The following EED variants were observed in gnomAD, a reference collection of about 807,000 sequenced individuals.
The protein encoded by EED is embryonic ectoderm development.
Under a neutral mutation model 61.0 loss-of-function variants are expected in EED, and 9 were observed. The observed-to-expected ratio is 0.15, with a 90% CI of 0.09 to 0.26. The LOEUF is 0.26. Ranked by LOEUF, EED falls within the 10% of genes least tolerant of loss-of-function variation. The pLI, the probability that EED is intolerant of heterozygous loss-of-function variation, is 1.00. For missense variants in EED, 315 were observed against 542.3 expected (o/e 0.58, Z 4.16); for synonymous variants, 187 against 174.4 (o/e 1.07, Z -0.57).
At chr11:86,274,415 A>G (rs1308023839) in intron 9 of EED, among the ~76,000 whole-genome samples, 4 of 152,122 alleles carry the variant, frequency 2.6e-5, no homozygotes, top group Non-Finnish European at 5.9e-5. Flanking sequence ...CTTGGTATGA[A>G]GAGTGATTTT....
At position 86,268,594 on chromosome 11, in the gene EED, CGT is replaced by C. The variant is rs71040225; in HGVS notation, c.966+64_966+65del. 0.25 allele frequency: 202,700 copies of C among 811,112 alleles called. 7,074 individuals carry two copies. The highest frequency in any genetic ancestry group is 0.27 in the Non-Finnish European group (139,697 of 513,614). 50.2% of individuals were successfully genotyped at this position (811,112 alleles called of 1,614,324 possible). ...AACTGCAGTTAAGCTGTACTTCCAT[CGT>C]GTGTGTGTGTGTGTGTGTGTGTGTG... On this transcript the variant is annotated intron_variant, in intron 9 of 11. Transcript: ENST00000263360.
chr11:86,281,791 C>T (rs116824028), downstream of EED, among the ~76,000 whole-genome samples: 292 of 152,280 alleles, frequency 1.9e-3, 1 homozygote, highest in African/African-American at 6.8e-3. Context: ...CAAGTAGCTA[C>T]GACTGTAGGC....
chr11:86,251,308 A>G (rs1011488536), intron 2 of EED, among the ~76,000 whole-genome samples: 1 of 152,166 alleles, frequency 6.6e-6, no homozygotes. Context: ...AAAGTCAATT[A>G]TAGTTTCATG....
chr11:86,278,600 G>C lies in EED; in HGVS notation c.*75G>C. On this transcript the variant is annotated 3_prime_UTR_variant, in exon 12 of 12. Transcript: ENST00000263360. ...TAGAATTAATGTATCTTGCTAGTAAGGGCACGTAGAGCATTTAGAGTTGTC... is the reference window on the plus strand; with the variant it reads ...TAGAATTAATGTATCTTGCTAGTAACGGCACGTAGAGCATTTAGAGTTGTC... The C allele has an allele frequency of 6.4e-7, 1 of 1,555,810 alleles. No individual in the cohort carries two copies. The highest frequency in any genetic ancestry group is 1.8e-5 in the Admixed American group (1 of 56,682).
chr11:86,245,871 G>A (rs1386712296), intron 1 of EED, among the ~76,000 whole-genome samples: 3 of 152,202 alleles, frequency 2.0e-5, no homozygotes, highest in Non-Finnish European at 4.4e-5. Context: ...GAGACCGGGT[G>A]CGCCTGAAGG....
intron 1 of EED, among the ~76,000 whole-genome samples, chr11:86,249,082 A>T (rs959463644): frequency 6.6e-6 from 1 of 152,198 alleles, no homozygotes; most frequent in Admixed American, 6.5e-5. Flanking sequence ...TAGATAATGC[A>T]TAGTTTTCCA....
intron 9 of EED, among the ~76,000 whole-genome samples, chr11:86,273,809 C>T (rs904650396): frequency 3.3e-5 from 5 of 152,204 alleles, no homozygotes; most frequent in Non-Finnish European, 7.4e-5. Context: ...TTCTTTCTGT[C>T]TTACTGCTTT....
chr11:86,254,115 A>C (rs912920616), intron 3 of EED, among the ~76,000 whole-genome samples: 10 of 150,936 alleles, frequency 6.6e-5, no homozygotes, highest in Admixed American at 5.3e-4. Flanking sequence ...GTATTACAAA[A>C]TTGTGTATGG....
chr11:86,275,126 C>T (rs143413992), intron 9 of EED, among the ~76,000 whole-genome samples: 6 of 152,216 alleles, frequency 3.9e-5, no homozygotes, highest in Non-Finnish European at 5.9e-5. Context: ...AAAGAAAACC[C>T]GGGAAACTCA....
At chr11:86,268,810 T>C (rs1946046343) in intron 9 of EED, among the ~76,000 whole-genome samples, 1 of 152,218 alleles carries the variant, frequency 6.6e-6, no homozygotes, top group East Asian at 1.9e-4. Context: ...TATAGTTTTA[T>C]AAGGTGATAG....
chr11:86,273,199 A>AG (rs1487389013), intron 9 of EED, among the ~76,000 whole-genome samples: 1 of 152,052 alleles, frequency 6.6e-6, no homozygotes, highest in African/African-American at 2.4e-5. Context: ...AATTTCTTTA[A>AG]TGTGTGGAGG....
At chr11:86,254,369 G>A (rs1391005714) in intron 3 of EED, among the ~76,000 whole-genome samples, 1 of 147,042 alleles carries the variant, frequency 6.8e-6, no homozygotes, top group Non-Finnish European at 1.5e-5. Flanking sequence ...TGCCCAGGCT[G>A]GAGTGCAGTG....
intron 6 of EED, among the ~76,000 whole-genome samples, chr11:86,261,205 G>T (rs1049779420): frequency 3.9e-5 from 6 of 152,156 alleles, no homozygotes; most frequent in African/African-American, 1.4e-4. Flanking sequence ...AAAATACAGT[G>T]GTAGGATAAG....
Position 86,245,334 on chromosome 11 carries a change from A to G in EED, c.105A>G (p.Gly35=). The G allele has an allele frequency of 6.2e-7, 1 of 1,612,278 alleles. No individual in the cohort carries two copies. The highest frequency in any genetic ancestry group is 8.5e-7 in the Non-Finnish European group (1 of 1,179,314). The stretch of plus-strand genomic sequence containing the variant: ...AGAACAGCAATCCAGACCTCTCTGG[A>G]GACGAGAATGTAAGTGCAGCTTCTG... ...SDENSNPDLS[G]DENDDAVSIE... The change falls in exon 1 of 12, where the codon GGA becomes GGG. Residue 35 remains glycine, a synonymous_variant. Coordinates refer to ENST00000263360, the MANE Select transcript of EED (RefSeq NM_003797.5).
At chr11:86,258,538 C>G (rs974166586) in intron 6 of EED, among the ~76,000 whole-genome samples, 2 of 143,264 alleles carry the variant, frequency 1.4e-5, no homozygotes, top group Non-Finnish European at 3.0e-5. Flanking sequence ...TTTTTTTTCT[C>G]TTTTCTTTGT....
intron 1 of EED, among the ~76,000 whole-genome samples, chr11:86,247,951 G>C (rs1021636315): frequency 6.6e-6 from 1 of 152,246 alleles, no homozygotes; most frequent in African/African-American, 2.4e-5. Context: ...TATGACTGCA[G>C]AGTAGTTGGC....
the EED span, among the ~76,000 whole-genome samples, chr11:86,286,971 C>CA: frequency 0.38 from 25,907 of 67,424 alleles, 5,828 homozygotes; most frequent in Non-Finnish European, 0.5. Flanking sequence ...GACTCCGTCT[C>CA]AAAAAAAAAA....
Position 86,244,942 on chromosome 11 carries a change from G to T in EED, c.-288G>T, listed in dbSNP as rs1217250616. 7.7e-6 allele frequency: 3 copies of T among 389,698 alleles called. No individual in the cohort carries two copies. Among genetic ancestry groups the T allele is most frequent in the Non-Finnish European group, 1.4e-5 (3 of 215,866 alleles). 24.1% of individuals were successfully genotyped at this position (389,698 alleles called of 1,614,324 possible). On this transcript the variant is annotated 5_prime_UTR_variant, in exon 1 of 12. Transcript: ENST00000263360. ...CTTAATCCAACGGACCTTACATCGT[G>T]TAGACTGCCGGGAGGGCGGCGGGAA... is the stretch of plus-strand genomic sequence containing the variant.
rs35685239 is a variant in EED, at chr11:86,264,439, A to ATATTTATT, written c.726+186_726+193dup. 23 of 416,760 alleles carry ATATTTATT rather than the reference A, an allele frequency of 5.5e-5. No individual in the cohort carries two copies. In the East Asian group the frequency reaches 6.4e-4, roughly 12 times the overall value. 25.8% of individuals were successfully genotyped at this position (416,760 alleles called of 1,614,324 possible). A position where few individuals can be genotyped will look rare whatever the true frequency, so the allele number is the denominator to read the frequency against. On this transcript the variant is annotated intron_variant, in intron 7 of 11. Transcript: ENST00000263360. ...TGAAGGAATAAAACAAGTAAAGACTATATTTATTTATTTATTTTTTAAATT... is the reference window on the plus strand; with the variant it reads ...TGAAGGAATAAAACAAGTAAAGACTATATTTATTTATTTATTTATTTATTTTTTAAATT...
Sources: allele counts gnomAD v4.1 joint callset (sites outside exome capture counted in the v4.1 genomes callset), GRCh38; gene constraint gnomAD v4.1.1; transcripts MANE v1.5; gene names NCBI Gene and HGNC (gene_info 2026-07-23, HGNC 2026-07-21).